The following FIRRM variants were observed in gnomAD, a reference collection of about 807,000 sequenced individuals.
FIRRM encodes the protein FIGNL1 interacting regulator of recombination and mitosis, also known as FIGNL1-interacting regulator of recombination and mitosis.
At chr1:169,788,672 C>T in the FIRRM span, among the ~76,000 whole-genome samples, 174 of 152,272 alleles carry the variant, frequency 1.1e-3, no homozygotes, top group African/African-American at 4.0e-3. Flanking sequence ...TTTTTCCATC[C>T]CATCAGTAAA....
At chr1:169,826,987 C>T in the FIRRM span, 3 of 1,475,324 alleles carry the variant, frequency 2.0e-6, no homozygotes, top group Non-Finnish European at 2.8e-6. Context: ...GTTTATAGTA[C>T]TTACTCTACC....
At chr1:169,835,453 A>G in the FIRRM span, among the ~76,000 whole-genome samples, 1 of 152,228 alleles carries the variant, frequency 6.6e-6, no homozygotes, top group Admixed American at 6.5e-5. Context: ...TTATCTAAGC[A>G]CACTGATAAT....
chr1:169,792,415 T>G, the FIRRM span: 2 of 559,658 alleles, frequency 3.6e-6, no homozygotes, highest in Admixed American at 7.6e-5. Flanking sequence ...CAGTTTCACC[T>G]AGTGAGTAAA....
At chr1:169,812,991 C>CT in the FIRRM span, among the ~76,000 whole-genome samples, 1 of 152,104 alleles carries the variant, frequency 6.6e-6, no homozygotes, top group Non-Finnish European at 1.5e-5. Context: ...CCATCCAACT[C>CT]TGTTTTGATT....
At chr1:169,851,470 T>C in the FIRRM span, 3 of 182,336 alleles carry the variant, frequency 1.6e-5, no homozygotes, top group African/African-American at 7.1e-5. Context: ...AGTCCTGGGA[T>C]TAGAGGCATG....
chr1:169,792,867 C>T, the FIRRM span: 8 of 1,613,968 alleles, frequency 5.0e-6, no homozygotes, highest in Non-Finnish European at 6.8e-6. Context: ...CTACTTAGTA[C>T]AAGCTTACAA....
chr1:169,846,271 T>C, the FIRRM span, among the ~76,000 whole-genome samples: 1 of 152,166 alleles, frequency 6.6e-6, no homozygotes, highest in Non-Finnish European at 1.5e-5. Flanking sequence ...GTTCCATTGA[T>C]AGAGTACATG....
chr1:169,795,652 G>T, the FIRRM span: 1 of 991,006 alleles, frequency 1.0e-6, no homozygotes, highest in Non-Finnish European at 1.2e-6. Flanking sequence ...CGTAAAAAGG[G>T]TGGTGAATAT....
chr1:169,785,114 T>A, the FIRRM span, among the ~76,000 whole-genome samples: 10 of 152,222 alleles, frequency 6.6e-5, no homozygotes, highest in Non-Finnish European at 1.2e-4. Context: ...CATGTTGAGA[T>A]GGGAGAGTTC....
At chr1:169,834,499 T>C in the FIRRM span, among the ~76,000 whole-genome samples, 1 of 152,134 alleles carries the variant, frequency 6.6e-6, no homozygotes, top group African/African-American at 2.4e-5. Flanking sequence ...TAAGACATTA[T>C]CCTTTCTCTT....
the FIRRM span, among the ~76,000 whole-genome samples, chr1:169,834,984 G>C: frequency 6.6e-6 from 1 of 152,144 alleles, no homozygotes; most frequent in Non-Finnish European, 1.5e-5. Flanking sequence ...GTAGGCATAG[G>C]AGTTGGAATT....
chr1:169,826,423 C>T, the FIRRM span, among the ~76,000 whole-genome samples: 2 of 142,930 alleles, frequency 1.4e-5, no homozygotes, highest in Non-Finnish European at 3.0e-5. Context: ...AGTGCAGTGG[C>T]GCAGTCTTGG....
chr1:169,832,761 G>A, the FIRRM span, among the ~76,000 whole-genome samples: 2 of 151,600 alleles, frequency 1.3e-5, no homozygotes, highest in African/African-American at 2.4e-5. Flanking sequence ...ACACCACTAC[G>A]CCTGGCTAAT....
At chr1:169,812,983 A>G in the FIRRM span, among the ~76,000 whole-genome samples, 1 of 152,222 alleles carries the variant, frequency 6.6e-6, no homozygotes, top group Non-Finnish European at 1.5e-5. Context: ...TTAGCGAACC[A>G]TCCAACTCTG....
the FIRRM span, among the ~76,000 whole-genome samples, chr1:169,788,827 G>A: frequency 5.3e-5 from 8 of 152,260 alleles, no homozygotes; most frequent in African/African-American, 1.9e-4. Flanking sequence ...TTATAAAGTT[G>A]TTCTTTGTAA....
chr1:169,824,046 CATTT>C, the FIRRM span, among the ~76,000 whole-genome samples: 1 of 152,190 alleles, frequency 6.6e-6, no homozygotes, highest in Non-Finnish European at 1.5e-5. Context: ...CTTCATAATT[CATTT>C]AGTGTCCCAG....
chr1:169,810,872 A>ATTTTT, the FIRRM span, among the ~76,000 whole-genome samples: 1 of 24,988 alleles, frequency 4.0e-5, no homozygotes, highest in East Asian at 4.1e-3. Context: ...TTTTTTTTTG[A>ATTTTT]GACGGAGTCT....
At chr1:169,850,414 T>C in the FIRRM span, 2 of 1,049,296 alleles carry the variant, frequency 1.9e-6, no homozygotes, top group Non-Finnish European at 2.9e-6. Flanking sequence ...TATGTAACTG[T>C]AACCAACCTG....
chr1:169,832,515 G>A, the FIRRM span: 10 of 1,599,660 alleles, frequency 6.3e-6, no homozygotes, highest in East Asian at 4.5e-5. Context: ...AGGCAAGGAA[G>A]GATATCATCT....
Sources: allele counts gnomAD v4.1 joint callset (sites outside exome capture counted in the v4.1 genomes callset), GRCh38; gene constraint gnomAD v4.1.1; transcripts MANE v1.5; gene names NCBI Gene and HGNC (gene_info 2026-07-23, HGNC 2026-07-21).